LARGE1: variants seen among roughly 807,000 people sequenced by gnomAD.
LARGE1 encodes the protein xylosyl- and glucuronyltransferase LARGE1.
In LARGE1, 43 loss-of-function variants were observed where a neutral mutation model predicts 87.6. The ratio of observed to expected loss-of-function variants is 0.49; its 90% CI spans 0.38 to 0.63. The LOEUF is 0.63. Ranked by LOEUF, LARGE1 falls within the 30% of genes least tolerant of loss-of-function variation. LARGE1 has a pLI of 0.00. For synonymous variants in LARGE1, 434 were observed against 394.6 expected (o/e 1.10, Z -1.18); for missense variants, 802 against 1,000.2 (o/e 0.80, Z 2.67).
chr22:33,455,475 A>C lies in LARGE1; in HGVS notation c.788-23210T>G, dbSNP rs994851923. The stretch of plus-strand genomic sequence containing the variant: ...AAGATTAGACCATGGTGAGCTGCTA[A>C]AAAAATTGCTATTGTGCCTGTAATC... On this transcript the variant is annotated intron_variant, in intron 6 of 14. Coordinates refer to ENST00000397394, the MANE Select transcript of LARGE1 (RefSeq NM_133642.5). Among the ~76,000 whole-genome samples the C allele has an allele frequency of 2.0e-5, 3 of 152,244 alleles. No homozygotes were observed. The South Asian group carries it at 6.2e-4, about 32-fold the overall frequency.
intron 6 of LARGE1, among the ~76,000 whole-genome samples, chr22:33,433,642 T>G (rs2067163907): frequency 6.7e-6 from 1 of 148,374 alleles, no homozygotes; most frequent in Non-Finnish European, 1.5e-5. Context: ...AAAGGGAAAT[T>G]GAGGTTTAGA....
intron 10 of LARGE1, among the ~76,000 whole-genome samples, chr22:33,334,977 A>T (rs1488011355): frequency 9.9e-5 from 15 of 152,212 alleles, no homozygotes; most frequent in Admixed American, 9.8e-4. Context: ...TGGTAGGAAA[A>T]GCTGGTGAGT....
intron 7 of LARGE1, among the ~76,000 whole-genome samples, chr22:33,389,722 A>G (rs1161316659): frequency 6.6e-6 from 1 of 152,036 alleles, no homozygotes; most frequent in African/African-American, 2.4e-5. Flanking sequence ...GTGTGTGCCT[A>G]TAGTCCCAGT....
intron 11 of LARGE1, among the ~76,000 whole-genome samples, chr22:33,262,665 C>T (rs532665189): frequency 4.6e-5 from 7 of 152,294 alleles, no homozygotes; most frequent in South Asian, 2.1e-4. Flanking sequence ...TACTCTATTA[C>T]GCCTGCCAGT....
At chr22:33,185,643 C>T (rs938179277) in intron 11 of LARGE1, among the ~76,000 whole-genome samples, 8 of 152,132 alleles carry the variant, frequency 5.3e-5, no homozygotes, top group Admixed American at 1.3e-4. Context: ...AGAGTCTGTG[C>T]GTGTGTGAGG....
intron 9 of LARGE1, among the ~76,000 whole-genome samples, chr22:33,356,395 T>C (rs1436068480): frequency 6.6e-6 from 1 of 152,208 alleles, no homozygotes; most frequent in African/African-American, 2.4e-5. Flanking sequence ...GAAGGTCAGG[T>C]ACTATCCCAG....
intron 6 of LARGE1, among the ~76,000 whole-genome samples, chr22:33,518,117 G>A (rs5998987): frequency 0.013 from 2,025 of 152,292 alleles, 50 homozygotes; most frequent in African/African-American, 0.047. Flanking sequence ...CATACCTTAA[G>A]CCAAGAAGCT....
chr22:33,275,702 C>T (rs1186960122), intron 14 of LARGE1, among the ~76,000 whole-genome samples: 1 of 152,086 alleles, frequency 6.6e-6, no homozygotes, highest in Non-Finnish European at 1.5e-5. Flanking sequence ...CTGGGACATG[C>T]TATTCGCAAA....
At chr22:33,219,780 C>A (rs1289753003) in intron 11 of LARGE1, among the ~76,000 whole-genome samples, 1 of 152,150 alleles carries the variant, frequency 6.6e-6, no homozygotes, top group African/African-American at 2.4e-5. Flanking sequence ...GCTGCCAGAA[C>A]TCAGACGCCA....
chr22:33,297,005 G>T (rs1247748911), intron 12 of LARGE1, among the ~76,000 whole-genome samples: 1 of 152,244 alleles, frequency 6.6e-6, no homozygotes, highest in Non-Finnish European at 1.5e-5. Flanking sequence ...TTGGCGCATA[G>T]TAAGTGCTCA....
At chr22:33,490,530 G>A (rs1043034832) in intron 6 of LARGE1, among the ~76,000 whole-genome samples, 4 of 152,264 alleles carry the variant, frequency 2.6e-5, no homozygotes, top group East Asian at 1.9e-4. Flanking sequence ...ATTATTTGTA[G>A]GCCAACTGTT....
chr22:33,407,625 C>G (rs2147389968), intron 7 of LARGE1, among the ~76,000 whole-genome samples: 1 of 152,248 alleles, frequency 6.6e-6, no homozygotes, highest in East Asian at 1.9e-4. Flanking sequence ...CAATCTCAGC[C>G]TATTAAGAAC....
Position 33,610,019 on chromosome 22 carries a change from A to C in LARGE1, c.492-5461T>G, listed in dbSNP as rs549711213. Among the ~76,000 whole-genome samples the C allele has an allele frequency of 8.3e-4, 127 of 152,222 alleles. 1 individual carries two copies. Among genetic ancestry groups the C allele is most frequent in the African/African-American group, 3.0e-3 (124 of 41,528 alleles). On this transcript the variant is annotated intron_variant, in intron 4 of 14. Coordinates refer to ENST00000397394, the MANE Select transcript of LARGE1 (RefSeq NM_133642.5). ...AAACACTCCTTGAGGTGTCCCTAGA[A>C]GCCAAGCAGATGCTGGTGCCATGCT...
chr22:33,584,327 C>CA (rs1175443299), intron 5 of LARGE1, among the ~76,000 whole-genome samples: 2 of 152,176 alleles, frequency 1.3e-5, no homozygotes, highest in Non-Finnish European at 2.9e-5. Context: ...ATGTACCTAG[C>CA]ATGGGAACAC....
chr22:33,321,614 G>A (rs16992137), intron 10 of LARGE1, among the ~76,000 whole-genome samples: 2 of 152,228 alleles, frequency 1.3e-5, no homozygotes, highest in East Asian at 3.9e-4. Context: ...GAAGAATGAA[G>A]GGCTTCCAGT....
chr22:33,538,737 G>A (rs1459134648), intron 6 of LARGE1, among the ~76,000 whole-genome samples: 1 of 152,158 alleles, frequency 6.6e-6, no homozygotes, highest in Non-Finnish European at 1.5e-5. Context: ...GAAGGGGAAG[G>A]CCACTGGAGG....
At chr22:33,565,136 T>C in intron 5 of LARGE1, 117 bp from the exon 6 acceptor site, 1 of 952,998 alleles carries the variant, frequency 1.0e-6, no homozygotes, top group Admixed American at 2.2e-5. Context: ...AATAAAAATT[T>C]GTTGAATAAA....
chr22:33,482,088 T>TG (rs1324231024), intron 6 of LARGE1, among the ~76,000 whole-genome samples: 3 of 152,210 alleles, frequency 2.0e-5, no homozygotes, highest in Non-Finnish European at 4.4e-5. Flanking sequence ...AAGCACTTCT[T>TG]GAACTGTTAA....
chr22:33,732,408 C>G (rs1327834432), intron 2 of LARGE1: 1 of 152,302 alleles, frequency 6.6e-6, no homozygotes, highest in Non-Finnish European at 1.5e-5. Context: ...TCTGAAAGGG[C>G]AGTAGAACAG....
Sources: allele counts gnomAD v4.1 joint callset (sites outside exome capture counted in the v4.1 genomes callset), GRCh38; gene constraint gnomAD v4.1.1; transcripts MANE v1.5; gene names NCBI Gene and HGNC (gene_info 2026-07-23, HGNC 2026-07-21).